The following EZH2 variants were observed in gnomAD, a reference collection of about 807,000 sequenced individuals.
EZH2 encodes enhancer of zeste 2 polycomb repressive complex 2 subunit.
Under a neutral mutation model 98.4 loss-of-function variants are expected in EZH2, and 18 were observed. That is an observed-to-expected ratio of 0.18 (90% CI 0.13 to 0.27). EZH2 has a LOEUF of 0.27. Ranked by LOEUF, EZH2 falls within the 10% of genes least tolerant of loss-of-function variation. EZH2 has a pLI of 1.00. For synonymous variants in EZH2, 338 were observed against 312.3 expected (o/e 1.08, Z -0.87); for missense variants, 470 against 935.1 (o/e 0.50, Z 6.49).
chr7:148,864,383 C>G (rs1341313032), intron 1 of EZH2, among the ~76,000 whole-genome samples: 1 of 152,122 alleles, frequency 6.6e-6, no homozygotes, highest in Non-Finnish European at 1.5e-5. Context: ...GAATTGACAT[C>G]TAAAGGTTAA....
intron 8 of EZH2, among the ~76,000 whole-genome samples, chr7:148,824,609 C>A (rs367570267): frequency 2.2e-4 from 33 of 152,276 alleles, no homozygotes; most frequent in African/African-American, 7.5e-4. Context: ...ATGCCAAAAT[C>A]ACCTAACAAC....
At chr7:148,807,751 AACATGT>A in intron 19 of EZH2, 45 bp from the exon 20 acceptor site, 3 of 1,398,426 alleles carry the variant, frequency 2.1e-6, no homozygotes, top group Non-Finnish European at 2.9e-6. Flanking sequence ...CCACCCATCC[AACATGT>A]GCTGAGACTT....
intron 1 of EZH2, among the ~76,000 whole-genome samples, chr7:148,852,577 A>G (rs1246510721): frequency 6.6e-6 from 1 of 150,420 alleles, no homozygotes; most frequent in East Asian, 1.9e-4. Context: ...TGCTAGGACA[A>G]GAATGCTCAC....
chr7:148,851,910 T>C (rs566882106), intron 1 of EZH2, among the ~76,000 whole-genome samples: 10 of 152,306 alleles, frequency 6.6e-5, no homozygotes, highest in Non-Finnish European at 7.4e-5. Context: ...TAAATATTCA[T>C]ATATTGGCAG....
chr7:148,827,063 T>C (rs1000970757), intron 7 of EZH2, 101 bp downstream of exon 7: 6 of 819,078 alleles, frequency 7.3e-6, no homozygotes, highest in African/African-American at 5.1e-5. Context: ...GTAAACAAAG[T>C]GTAGTGGCTC....
intron 1 of EZH2, among the ~76,000 whole-genome samples, chr7:148,869,597 C>T (rs1344512894): frequency 6.6e-6 from 1 of 152,106 alleles, no homozygotes; most frequent in African/African-American, 2.4e-5. Context: ...CTCAGCCGCT[C>T]AAAGTGCTGG....
At chr7:148,879,689 C>CA (rs1439085680) in intron 1 of EZH2, among the ~76,000 whole-genome samples, 5 of 151,230 alleles carry the variant, frequency 3.3e-5, no homozygotes, top group Non-Finnish European at 7.4e-5. Context: ...CACTGCATCT[C>CA]AAAAAAATAA....
intron 16 of EZH2, 95 bp downstream of exon 16, chr7:148,811,530 A>C: frequency 1.0e-6 from 1 of 983,046 alleles, no homozygotes; most frequent in Non-Finnish European, 1.5e-6. Flanking sequence ...ATTCATTTCC[A>C]ATCAAACCCA....
chr7:148,866,517 T>TATAC (rs1563063055), intron 1 of EZH2, among the ~76,000 whole-genome samples: 4 of 96,950 alleles, frequency 4.1e-5, no homozygotes, highest in African/African-American at 1.6e-4. Context: ...TACATATATA[T>TATAC]GTGTATATAC....
chr7:148,863,689 A>G (rs533010709), intron 1 of EZH2, among the ~76,000 whole-genome samples: 33 of 152,348 alleles, frequency 2.2e-4, no homozygotes, highest in African/African-American at 7.0e-4. Flanking sequence ...AGAAAAAAGA[A>G]TGACAAAAAC....
Position 148,810,313 on chromosome 7 carries a change from C to T in EZH2, c.2029+20G>A. 1 of 1,582,214 alleles carries T rather than the reference C, an allele frequency of 6.3e-7. No homozygotes were observed. The highest frequency in any genetic ancestry group is 8.7e-7 in the Non-Finnish European group (1 of 1,153,250). On this transcript the variant is annotated intron_variant, in intron 17 of 19. Coordinates refer to ENST00000320356, the MANE Select transcript of EZH2 (RefSeq NM_004456.5). ...CACATGCAACTCAGGAACTCACTGC[C>T]TCCCAGCTCTGAAACATACCATTGT... is the stretch of plus-strand genomic sequence containing the variant.
chr7:148,840,988 C>CTA, intron 3 of EZH2, among the ~76,000 whole-genome samples: 1 of 152,032 alleles, frequency 6.6e-6, no homozygotes, highest in Admixed American at 6.6e-5. Context: ...AAAACACAAA[C>CTA]TATATATACA....
Position 148,846,615 on chromosome 7 carries a change from A to G in EZH2, c.118-17T>C, listed in dbSNP as rs1297570798. Reference sequence around the variant, plus strand: ...AAACATACTCTTAAAAAAAAAAATGAAGGAGAGGAAAGGAGAAATTGTTCA... The same window carrying G: ...AAACATACTCTTAAAAAAAAAAATGGAGGAGAGGAAAGGAGAAATTGTTCA... On this transcript the variant is annotated splice_polypyrimidine_tract_variant and intron_variant, in intron 2 of 19. Transcript: ENST00000320356. 6.9e-6 allele frequency: 11 copies of G among 1,600,578 alleles called. No homozygotes were observed. In the African/African-American group the frequency reaches 8.1e-5, roughly 12 times the overall value.
At chr7:148,827,042 T>C in intron 7 of EZH2, 122 bp downstream of exon 7, 1 of 693,546 alleles carries the variant, frequency 1.4e-6, no homozygotes, top group East Asian at 2.6e-5. Flanking sequence ...TTCAAGTATC[T>C]TGCAAACACT....
intron 4 of EZH2, among the ~76,000 whole-genome samples, chr7:148,831,635 G>C (rs1809420385): frequency 6.6e-6 from 1 of 152,068 alleles, no homozygotes; most frequent in Admixed American, 6.5e-5. Context: ...TTCCCTCAAG[G>C]TCATGCAATG....
At chr7:148,818,841 C>A in intron 9 of EZH2, 1 of 333,810 alleles carries the variant, frequency 3.0e-6, no homozygotes. Flanking sequence ...AAACAAAATT[C>A]TGCCTTGTAA....
intron 1 of EZH2, among the ~76,000 whole-genome samples, chr7:148,868,398 G>A (rs1329947200): frequency 6.6e-6 from 1 of 152,184 alleles, no homozygotes; most frequent in Non-Finnish European, 1.5e-5. Context: ...GCTGATGCAG[G>A]GGGAAGAGAG....
Position 148,827,205 on chromosome 7 carries a change from T to C in EZH2, c.687A>G (p.Ser229=), listed in dbSNP as rs1336492521. 6.2e-7 allele frequency: 1 copy of C among 1,613,902 alleles called. No homozygotes were observed. Among genetic ancestry groups the C allele is most frequent in the Non-Finnish European group, 8.5e-7 (1 of 1,179,922 alleles). ...PSDKIFEAIS[S]MFPDKGTAEE... Reference sequence around the variant, plus strand: ...CTGCTGTGCCCTTATCTGGAAACATTGAGGAAATGGCTTCAAAAATTTTAT... The same window carrying C: ...CTGCTGTGCCCTTATCTGGAAACATCGAGGAAATGGCTTCAAAAATTTTAT... Residue 229 remains serine (S), a synonymous_variant, in exon 7 of 20, where the codon TCA becomes TCG. Coordinates refer to ENST00000320356, the MANE Select transcript of EZH2 (RefSeq NM_004456.5).
intron 1 of EZH2, among the ~76,000 whole-genome samples, chr7:148,860,910 C>A (rs563031650): frequency 6.8e-6 from 1 of 146,156 alleles, no homozygotes; most frequent in African/African-American, 2.8e-5. Flanking sequence ...TGGGCTCAAA[C>A]AATCACCTCA....
Sources: gnomAD v4.1 joint callset for allele counts (sites outside exome capture counted in the v4.1 genomes callset) on GRCh38, gnomAD v4.1.1 for gene constraint, MANE v1.5 for transcripts, NCBI Gene and HGNC (gene_info 2026-07-23, HGNC 2026-07-21) for gene names.